The following ZNF804B variants were observed in gnomAD, a reference collection of about 807,000 sequenced individuals.
The protein encoded by ZNF804B is zinc finger 804B.
In ZNF804B, 80 loss-of-function variants were observed where a neutral mutation model predicts 101.4. The observed-to-expected ratio is 0.79, with a 90% CI of 0.66 to 0.95. The LOEUF is 0.95. Among genes scored for constraint, ZNF804B ranks in the 40% least tolerant of loss-of-function variants. ZNF804B has a pLI of 0.00. For missense variants in ZNF804B, 1,673 were observed against 1,561.9 expected (o/e 1.07, Z -1.20); for synonymous variants, 622 against 558.8 (o/e 1.11, Z -1.59).
intron 1 of ZNF804B, among the ~76,000 whole-genome samples, chr7:88,870,400 A>AAAAAAAAAAAAAAAAAAAAAAAAAAAG (rs781332488): frequency 4.5e-4 from 51 of 112,438 alleles, no homozygotes; most frequent in African/African-American, 6.3e-4. Context: ...AAAAAAAAAA[A>AAAAAAAAAAAAAAAAAAAAAAAAAAAG]AAAAAAAGGT....
chr7:88,794,601 A>G, intron 1 of ZNF804B: 1 of 1,613,728 alleles, frequency 6.2e-7, no homozygotes, highest in Non-Finnish European at 8.5e-7. Flanking sequence ...CATGGCCAAT[A>G]TAATCTAAAA....
chr7:89,250,302 A>T (rs562448557), intron 2 of ZNF804B, among the ~76,000 whole-genome samples: 14 of 152,270 alleles, frequency 9.2e-5, no homozygotes, highest in African/African-American at 3.4e-4. Context: ...TATTGTTATG[A>T]ACACTCCCAT....
At chr7:89,128,130 T>C (rs1028783404) in intron 1 of ZNF804B, among the ~76,000 whole-genome samples, 1 of 151,780 alleles carries the variant, frequency 6.6e-6, no homozygotes, top group Non-Finnish European at 1.5e-5. Context: ...TTTTGGGCGT[T>C]TGAATGTTTT....
intron 1 of ZNF804B, among the ~76,000 whole-genome samples, chr7:89,088,325 A>T: frequency 6.6e-6 from 1 of 152,044 alleles, no homozygotes; most frequent in East Asian, 1.9e-4. Flanking sequence ...AAACCTAGAA[A>T]ACAAAGGCAA....
At chr7:89,242,113 T>C (rs1017497194) in intron 2 of ZNF804B, among the ~76,000 whole-genome samples, 5 of 151,990 alleles carry the variant, frequency 3.3e-5, no homozygotes, top group African/African-American at 1.2e-4. Context: ...CCTGAACTGT[T>C]AACTTATTTA....
chr7:88,970,818 T>TGGGGTGG (rs1451501818), intron 1 of ZNF804B, among the ~76,000 whole-genome samples: 1 of 49,776 alleles, frequency 2.0e-5, no homozygotes, highest in Non-Finnish European at 3.7e-5. Context: ...GGGACTGTTG[T>TGGGGTGG]GGGGTGGGGG....
chr7:89,005,505 T>C (rs1788359928), intron 1 of ZNF804B, among the ~76,000 whole-genome samples: 1 of 152,118 alleles, frequency 6.6e-6, no homozygotes, highest in Admixed American at 6.6e-5. Flanking sequence ...TTTTTTATTC[T>C]CTGGTAACAT....
At chr7:88,966,345 CATT>C (rs1793453920) in intron 1 of ZNF804B, among the ~76,000 whole-genome samples, 1 of 151,488 alleles carries the variant, frequency 6.6e-6, no homozygotes, top group Non-Finnish European at 1.5e-5. Flanking sequence ...ATGATTGTAA[CATT>C]AATCTATAAC....
chr7:88,902,070 C>A (rs1792399791), intron 1 of ZNF804B, among the ~76,000 whole-genome samples: 1 of 151,878 alleles, frequency 6.6e-6, no homozygotes, highest in South Asian at 2.1e-4. Context: ...ATAGATATTA[C>A]AACATTCATC....
intron 2 of ZNF804B, among the ~76,000 whole-genome samples, chr7:89,306,752 T>A (rs1376686224): frequency 6.6e-6 from 1 of 151,900 alleles, no homozygotes; most frequent in African/African-American, 2.4e-5. Context: ...ATAGAAATGG[T>A]TATAACTTGT....
At chr7:88,809,154 CTAAG>C (rs751341882) in intron 1 of ZNF804B, among the ~76,000 whole-genome samples, 114 of 152,242 alleles carry the variant, frequency 7.5e-4, no homozygotes, top group Admixed American at 2.6e-3. Flanking sequence ...ATCTGCCTTA[CTAAG>C]TAACAGGTTA....
chr7:89,154,029 T>A (rs539859666), intron 1 of ZNF804B, among the ~76,000 whole-genome samples: 1 of 148,424 alleles, frequency 6.7e-6, no homozygotes, highest in South Asian at 2.2e-4. Context: ...CACAAACAAA[T>A]CCATAGGAAA....
chr7:88,875,608 A>AGTCTTG lies in ZNF804B; in HGVS notation c.108+115525_108+115526insTCTTGG, dbSNP rs1791920363. Among the ~76,000 whole-genome samples the AGTCTTG allele has an allele frequency of 2.6e-5, 4 of 152,142 alleles. No homozygotes were observed. The East Asian group carries it at 7.8e-4, about 30-fold the overall frequency. ...ACATACACTCTCCCAAGACTAAACC[A>AGTCTTG]GGAAGAAGTTGAATCTCTGAATAGA... On this transcript the variant is annotated intron_variant, in intron 1 of 3. Coordinates refer to ENST00000333190, the MANE Select transcript of ZNF804B (RefSeq NM_181646.5).
At chr7:89,327,786 A>T (rs1174656318) in intron 3 of ZNF804B, among the ~76,000 whole-genome samples, 2 of 151,724 alleles carry the variant, frequency 1.3e-5, no homozygotes, top group African/African-American at 2.4e-5. Flanking sequence ...TTTTGTAATA[A>T]TAATTTTAAA....
chr7:89,214,988 A>G lies in ZNF804B; in HGVS notation c.109-3167A>G, dbSNP rs112682934. 7.8e-3 allele frequency among the ~76,000 whole-genome samples: 1,190 copies of G among 152,330 alleles called. 19 individuals are homozygous for G. The highest frequency in any genetic ancestry group is 0.027 in the African/African-American group (1,129 of 41,570). ...ACAAAACATGAAATTACTAAATATC[A>G]GTTGCCTCTTTTGAAAAATAATAGA... On this transcript the variant is annotated intron_variant, in intron 1 of 3. Coordinates refer to ENST00000333190, the MANE Select transcript of ZNF804B (RefSeq NM_181646.5).
intron 1 of ZNF804B, among the ~76,000 whole-genome samples, chr7:88,805,374 T>G (rs1790668332): frequency 6.6e-6 from 1 of 152,342 alleles, no homozygotes; most frequent in African/African-American, 2.4e-5. Flanking sequence ...TAAAATATTT[T>G]TAAATATTAG....
chr7:89,005,666 A>G (rs1788361521), intron 1 of ZNF804B, among the ~76,000 whole-genome samples: 1 of 152,144 alleles, frequency 6.6e-6, no homozygotes, highest in Admixed American at 6.6e-5. Context: ...TAGCAGAGTT[A>G]TGACAAAATC....
At chr7:89,108,798 A>G (rs1790172401) in intron 1 of ZNF804B, among the ~76,000 whole-genome samples, 1 of 152,138 alleles carries the variant, frequency 6.6e-6, no homozygotes, top group Admixed American at 6.6e-5. Context: ...GAGTGCTCAC[A>G]AAAAAATAAG....
At chr7:89,145,547 G>A (rs1362100444) in intron 1 of ZNF804B, among the ~76,000 whole-genome samples, 1 of 151,882 alleles carries the variant, frequency 6.6e-6, no homozygotes, top group Non-Finnish European at 1.5e-5. Flanking sequence ...TTCTAATTCA[G>A]GTATTATTCA....
Sources: allele counts gnomAD v4.1 joint callset (sites outside exome capture counted in the v4.1 genomes callset), GRCh38; gene constraint gnomAD v4.1.1; transcripts MANE v1.5; gene names NCBI Gene and HGNC (gene_info 2026-07-23, HGNC 2026-07-21).